Variants in VWA3B observed in about 807,000 individuals in gnomAD.
The protein encoded by VWA3B is von Willebrand factor A domain containing 3B, also known as von Willebrand factor A domain-containing protein 3B.
VWA3B carries 138 observed loss-of-function variants against 158.3 expected under a neutral mutation model. The observed-to-expected ratio is 0.87, with a 90% CI of 0.76 to 1.00. The LOEUF is 1.00. VWA3B is among the 50% of genes least tolerant of loss of function. The pLI is 0.00. For missense variants in VWA3B, 1,555 were observed against 1,565.1 expected (o/e 0.99, Z 0.11); for synonymous variants, 596 against 587.3 (o/e 1.01, Z -0.21).
At position 98,230,207 on chromosome 2, in the gene VWA3B, G is replaced by T; in HGVS notation, c.2308G>T (p.Glu770Ter). The T allele has an allele frequency of 6.4e-7, 1 of 1,557,268 alleles. No individual in the cohort carries two copies. The highest frequency in any genetic ancestry group is 8.6e-7 in the Non-Finnish European group (1 of 1,158,538). ...TCAGAAAAAGAAAGTCCTTCACGCA[G>T]GTATCAGTGAACAAAATGGCTTGAC... is the stretch of plus-strand genomic sequence containing the variant. ...KVQKKKVLHA[E>*]STKTSLLRSQ... Residue 770 changes from glutamate to a stop codon, truncating the protein, a stop_gained and splice_region_variant, in exon 16 of 28, where the codon GAA becomes TAA. Transcript: ENST00000477737. LOFTEE classifies it high-confidence loss of function.
chr2:98,281,842 G>A (rs963080546), intron 22 of VWA3B, among the ~76,000 whole-genome samples: 8 of 152,150 alleles, frequency 5.3e-5, no homozygotes, highest in East Asian at 3.9e-4. Flanking sequence ...GTCATTGCTC[G>A]TGGGACTTCC....
intron 15 of VWA3B, chr2:98,228,846 A>C (rs1285983139): frequency 6.6e-6 from 1 of 152,250 alleles, no homozygotes; most frequent in South Asian, 2.1e-4. Flanking sequence ...AAACAAAATC[A>C]AAACCACCGC....
intron 23 of VWA3B, chr2:98,291,733 GA>G (rs1156535904): frequency 2.0e-5 from 3 of 152,262 alleles, no homozygotes; most frequent in Non-Finnish European, 2.9e-5. Context: ...GGTGTGGATG[GA>G]AAGACAATGA....
chr2:98,137,877 T>C (rs1676409873), intron 7 of VWA3B, among the ~76,000 whole-genome samples: 1 of 152,214 alleles, frequency 6.6e-6, no homozygotes. Context: ...TCTGTTTTGG[T>C]ACAAATAAAA....
the VWA3B span, among the ~76,000 whole-genome samples, chr2:98,322,495 C>T: frequency 6.6e-6 from 1 of 152,134 alleles, no homozygotes; most frequent in Non-Finnish European, 1.5e-5. Context: ...CCTAGCTAGC[C>T]CCTAAATTAG....
chr2:98,182,790 C>T (rs942905002), intron 9 of VWA3B, among the ~76,000 whole-genome samples: 1 of 152,092 alleles, frequency 6.6e-6, no homozygotes, highest in Non-Finnish European at 1.5e-5. Context: ...CATGGTGGCA[C>T]GTGCCTGTAA....
At chr2:98,150,388 T>C (rs1677525123) in intron 7 of VWA3B, among the ~76,000 whole-genome samples, 1 of 152,226 alleles carries the variant, frequency 6.6e-6, no homozygotes, top group African/African-American at 2.4e-5. Flanking sequence ...CATTACATTT[T>C]ACGTTTTTCT....
At chr2:98,206,529 C>T in intron 12 of VWA3B, 1 of 499,398 alleles carries the variant, frequency 2.0e-6, no homozygotes, top group Non-Finnish European at 4.0e-6. Flanking sequence ...GTCCTGGATT[C>T]TGGTGCACCA....
intron 22 of VWA3B, among the ~76,000 whole-genome samples, chr2:98,271,126 AG>A (rs1688177691): frequency 6.6e-6 from 1 of 152,146 alleles, no homozygotes; most frequent in Admixed American, 6.5e-5. Context: ...GCTAAATAGA[AG>A]TATAATGTAG....
At position 98,127,602 on chromosome 2, in the gene VWA3B, G is replaced by A. The variant is rs1461094348; in HGVS notation, c.703-637G>A. 1.6e-3 allele frequency among the ~76,000 whole-genome samples: 183 copies of A among 115,044 alleles called. 15 individuals carry two copies. Among genetic ancestry groups the A allele is most frequent in the African/African-American group, 5.5e-3 (173 of 31,448 alleles). The allele number at this position is 115,044 out of a possible 152,430, so 75.5% of individuals were successfully genotyped here. A position where few individuals can be genotyped will look rare whatever the true frequency, so the allele number is the denominator to read the frequency against. On this transcript the variant is annotated intron_variant, in intron 5 of 27. Coordinates refer to ENST00000477737, the MANE Select transcript of VWA3B (RefSeq NM_144992.5). ...TGTGTGTGTGTGTGGGCGGGGGGGG[G>A]GGGGGTGTGTCCTGACACAGGGGTT... is the stretch of plus-strand genomic sequence containing the variant.
intron 8 of VWA3B, among the ~76,000 whole-genome samples, chr2:98,167,313 GT>G (rs200081985): frequency 2.2e-4 from 34 of 151,462 alleles, no homozygotes; most frequent in Admixed American, 7.9e-4. Flanking sequence ...GCCACTGATA[GT>G]TTTTTTTTAA....
intron 12 of VWA3B, among the ~76,000 whole-genome samples, chr2:98,195,816 T>C (rs947990451): frequency 1.3e-5 from 2 of 152,178 alleles, no homozygotes; most frequent in African/African-American, 4.8e-5. Flanking sequence ...TTCTGTTCTC[T>C]TTACAAATTT....
Position 98,245,238 on chromosome 2 carries a change from A to T in VWA3B, c.2674-5080A>T, listed in dbSNP as rs2105776968. 1.3e-5 allele frequency among the ~76,000 whole-genome samples: 2 copies of T among 152,152 alleles called. 1 individual carries two copies. Among genetic ancestry groups the T allele is most frequent in the South Asian group, 4.1e-4 (2 of 4,822 alleles). On this transcript the variant is annotated intron_variant, in intron 19 of 27. Transcript: ENST00000477737. ...CAAGGTGCCAAGACCAGGTGGTTTT[A>T]TTCCCTCTCAAACAGAGCTCTCAAT...
intron 23 of VWA3B, 54 bp from the exon 24 acceptor site, chr2:98,297,853 A>G: frequency 1.4e-6 from 2 of 1,439,728 alleles, no homozygotes; most frequent in Non-Finnish European, 1.8e-6. Context: ...CACAAGCCTA[A>G]GGGAAGGGAT....
chr2:98,244,961 G>T (rs1157120231), intron 19 of VWA3B, among the ~76,000 whole-genome samples: 1 of 151,964 alleles, frequency 6.6e-6, no homozygotes, highest in Non-Finnish European at 1.5e-5. Flanking sequence ...GCCCTTTATG[G>T]TCAGTGACTG....
chr2:98,252,628 C>T (rs1005173360), intron 20 of VWA3B, among the ~76,000 whole-genome samples: 1 of 152,094 alleles, frequency 6.6e-6, no homozygotes, highest in Non-Finnish European at 1.5e-5. Context: ...TAAAGAGGAA[C>T]TGATGTTCAT....
rs139271482 is a variant in VWA3B, at chr2:98,140,912, G to A, written c.988+6973G>A. ...CAGCATTTTCCCCATTCTTGCCTTG[G>A]GGTCTCAGTTTCCCCTGTCCACAGT... is the stretch of plus-strand genomic sequence containing the variant. On this transcript the variant is annotated intron_variant, in intron 7 of 27. Transcript: ENST00000477737. Among the ~76,000 whole-genome samples, 177 of 152,238 alleles carry A rather than the reference G, an allele frequency of 1.2e-3. 1 individual carries two copies. In the Middle Eastern group the frequency reaches 0.014, roughly 12 times the overall value.
chr2:98,249,645 A>C (rs994573553), intron 19 of VWA3B, among the ~76,000 whole-genome samples: 1 of 152,108 alleles, frequency 6.6e-6, no homozygotes, highest in Non-Finnish European at 1.5e-5. Context: ...GAAATCAAAG[A>C]TATCCCAAAA....
intron 12 of VWA3B, among the ~76,000 whole-genome samples, chr2:98,202,872 G>A (rs1174526982): frequency 6.6e-5 from 10 of 151,932 alleles, no homozygotes; most frequent in Admixed American, 3.3e-4. Context: ...CGCTCTTGTC[G>A]CCCAGGCTGG....
Sources: allele counts gnomAD v4.1 joint callset (sites outside exome capture counted in the v4.1 genomes callset), GRCh38; gene constraint gnomAD v4.1.1; transcripts MANE v1.5; gene names NCBI Gene and HGNC (gene_info 2026-07-23, HGNC 2026-07-21).